The following LFNG variants were observed in gnomAD, a reference collection of about 807,000 sequenced individuals.
LFNG encodes LFNG O-fucosylpeptide 3-beta-N-acetylglucosaminyltransferase, also known as beta-1,3-N-acetylglucosaminyltransferase lunatic fringe.
Under a neutral mutation model 32.7 loss-of-function variants are expected in LFNG, and 15 were observed. The ratio of observed to expected loss-of-function variants is 0.46; its 90% CI spans 0.31 to 0.71. The LOEUF (loss-of-function observed/expected upper bound fraction) is 0.71. Ranked by LOEUF, LFNG falls within the 30% of genes least tolerant of loss-of-function variation. LFNG has a pLI of 0.06. For missense variants in LFNG, 520 were observed against 545.7 expected, an observed-to-expected ratio of 0.95 and a Z score of 0.47; for synonymous variants, 274 against 246.8, an observed-to-expected ratio of 1.11 and a Z score of -1.03.
chr7:2,528,761 GC>G, downstream of LFNG: 1 of 642,104 alleles, frequency 1.6e-6, no homozygotes. Flanking sequence ...CCACTGGGGA[GC>G]CCAGCCCCTG....
chr7:2,527,332 G>C lies in LFNG; in HGVS notation c.*120G>C. On this transcript the variant is annotated 3_prime_UTR_variant, in exon 8 of 8. Transcript: ENST00000222725. The surrounding 1 kb of genome is among the most constrained non-coding windows in gnomAD (Gnocchi z 4.4). ...CCTAGGGCCGTGCCTGTGCGTGTGC[G>C]TGTGCGTGTGTGTGTGTGTGTACTG... The C allele has an allele frequency of 4.6e-6, 7 of 1,526,356 alleles. No homozygotes were observed. Among genetic ancestry groups the C allele is most frequent in the Non-Finnish European group, 6.1e-6 (7 of 1,142,558 alleles). 94.6% of individuals were successfully genotyped at this position (1,526,356 alleles called of 1,614,324 possible). A position where few individuals can be genotyped will look rare whatever the true frequency, so the allele number is the denominator to read the frequency against.
At chr7:2,513,315 G>A (rs775863934), upstream of LFNG, 3 of 1,603,226 alleles carry the variant, frequency 1.9e-6, no homozygotes, top group Non-Finnish European at 1.7e-6. Context: ...TACGGAGGTG[G>A]CCTCTCTCAG....
chr7:2,525,133 GC>G, intron 2 of LFNG, 85 bp from the exon 3 acceptor site: 2 of 1,199,142 alleles, frequency 1.7e-6, no homozygotes. Context: ...CTTTTCTCGA[GC>G]CCCTGGGCCC....
rs766956135 is a variant in LFNG at position 2,526,909 on chromosome 7, C to A, written c.1061C>A (p.Ala354Asp). 6.2e-7 allele frequency: 1 copy of A among 1,612,486 alleles called. No individual in the cohort carries two copies. The highest frequency in any genetic ancestry group is 8.5e-7 in the Non-Finnish European group (1 of 1,179,862). ...VHVKGPFSVE[A>D]DPSRFRSIHC... ...GTGAAGGGGCCCTTCTCGGTGGAGG[C>A]CGACCCATCCAGGTAAGGAAACCCC... is the stretch of plus-strand genomic sequence containing the variant. Residue 354 changes from alanine to aspartate, a missense_variant, in exon 7 of 8, where the codon GCC (alanine) becomes GAC (aspartate). Around this residue, in one of 3 missense-constraint regions of LFNG, gnomAD observed 150 missense variants for 159.9 expected, o/e 0.94. Transcript: ENST00000222725. This position sits in a 1 kb window ranked among gnomAD's most constrained non-coding sequence, Gnocchi z 6.9.
chr7:2,524,614 G>C, intron 1 of LFNG, 81 bp from the exon 2 acceptor site: 3 of 1,354,000 alleles, frequency 2.2e-6, no homozygotes, highest in Non-Finnish European at 3.1e-6. Context: ...AGCAACTCCA[G>C]GGCGCCCCGT....
rs148460430 is a variant in LFNG at position 2,525,485 on chromosome 7, C to T, written c.653C>T (p.Pro218Leu). 125 of 1,612,346 alleles carry T rather than the reference C, an allele frequency of 7.8e-5. 1 individual carries two copies. In the Admixed American group the frequency reaches 1.4e-3, roughly 18 times the overall value. ...RALLRLLASY[P>L]HTRDVYVGKP... ...CTGCTGCGGCTGCTGGCCAGCTACCCGCACACGCGGGACGTCTACGTCGGC... is the reference window on the plus strand; with the variant it reads ...CTGCTGCGGCTGCTGGCCAGCTACCTGCACACGCGGGACGTCTACGTCGGC... Residue 218 changes from proline (P) to leucine (L), a missense_variant, in exon 4 of 8, where the codon CCG (proline) becomes CTG (leucine). Pro to Leu is a moderately conservative substitution (Grantham distance 98, BLOSUM62 -3). This residue lies in a region of LFNG where 360 missense variants were observed against 354.7 expected (regional missense o/e 1.01). Coordinates refer to ENST00000222725, the MANE Select transcript of LFNG (RefSeq NM_001040167.2).
chr7:2,514,479 C>T (rs780285889), upstream of LFNG, among the ~76,000 whole-genome samples: 1 of 152,336 alleles, frequency 6.6e-6, no homozygotes, highest in East Asian at 1.9e-4. Flanking sequence ...TCCATCTATC[C>T]ATTAGACCAT....
At chr7:2,523,982 G>A (rs1019350796) in intron 1 of LFNG, among the ~76,000 whole-genome samples, 3 of 152,150 alleles carry the variant, frequency 2.0e-5, no homozygotes, top group South Asian at 2.1e-4. Flanking sequence ...CCCTACGCGC[G>A]GGACCTCATG....
chr7:2,517,606 C>A (rs577791620), upstream of LFNG: 302 of 442,904 alleles, frequency 6.8e-4, no homozygotes, highest in Middle Eastern at 0.011. Flanking sequence ...GAAGCCCCAT[C>A]CCCTGGCCTG....
intron 1 of LFNG, among the ~76,000 whole-genome samples, chr7:2,521,523 G>C (rs1194965666): frequency 2.6e-5 from 4 of 152,208 alleles, no homozygotes; most frequent in African/African-American, 9.6e-5. Context: ...GGCCACTCAG[G>C]TTGCCTGGCG....
chr7:2,515,388 C>T (rs922854722), upstream of LFNG, among the ~76,000 whole-genome samples: 1 of 152,164 alleles, frequency 6.6e-6, no homozygotes. Flanking sequence ...GGGACACAGA[C>T]GTAAAGGAGC....
At position 2,526,983 on chromosome 7, in the gene LFNG, G is replaced by C; in HGVS notation, c.1073+62G>C. ...TGGCCTAGGGGCGTCAGGGGGCCTC[G>C]TGGAGCTGCAGCAGGGTCTCTCTAA... On this transcript the variant is annotated intron_variant, in intron 7 of 7. Coordinates refer to ENST00000222725, the MANE Select transcript of LFNG (RefSeq NM_001040167.2). This position sits in a 1 kb window ranked among gnomAD's most constrained non-coding sequence, Gnocchi z 6.9. 2.0e-6 allele frequency: 3 copies of C among 1,508,952 alleles called. No individual in the cohort carries two copies. The highest frequency in any genetic ancestry group is 1.8e-6 in the Non-Finnish European group (2 of 1,091,036). 93.5% of individuals were successfully genotyped at this position (1,508,952 alleles called of 1,614,324 possible). A position where few individuals can be genotyped will look rare whatever the true frequency, so the allele number is the denominator to read the frequency against.
At chr7:2,525,619 G>T in intron 4 of LFNG, 52 bp downstream of exon 4, 3 of 1,611,996 alleles carry the variant, frequency 1.9e-6, no homozygotes, top group Non-Finnish European at 1.7e-6. Flanking sequence ...CGCACACCCG[G>T]AGTGGGGGTG....
chr7:2,527,278 G>T lies in LFNG; in HGVS notation c.*66G>T. 1 of 1,591,364 alleles carries T rather than the reference G, an allele frequency of 6.3e-7. No individual in the cohort carries two copies. On this transcript the variant is annotated 3_prime_UTR_variant, in exon 8 of 8. Coordinates refer to ENST00000222725, the MANE Select transcript of LFNG (RefSeq NM_001040167.2). The surrounding 1 kb of genome is among the most constrained non-coding windows in gnomAD (Gnocchi z 4.4). Reference sequence around the variant, plus strand: ...CCAAAGGGCCCAGGGACCCTGTTGCGCTGCCCTGGCCTCGGCATTCGAGGC... The same window carrying T: ...CCAAAGGGCCCAGGGACCCTGTTGCTCTGCCCTGGCCTCGGCATTCGAGGC...
rs1779996505 is a variant in LFNG, at chr7:2,526,905, G to A, written c.1057G>A (p.Glu353Lys). The stretch of plus-strand genomic sequence containing the variant: ...CCACGTGAAGGGGCCCTTCTCGGTG[G>A]AGGCCGACCCATCCAGGTAAGGAAA... ...AVHVKGPFSV[E>K]ADPSRFRSIH... is the part of the protein sequence containing the mutation. Residue 353 changes from glutamate to lysine, a missense_variant, in exon 7 of 8, where the codon GAG (glutamate) becomes AAG (lysine). By Grantham distance (56) the Glu-to-Lys change is moderately conservative. Coordinates refer to ENST00000222725, the MANE Select transcript of LFNG (RefSeq NM_001040167.2). The surrounding 1 kb of genome is among the most constrained non-coding windows in gnomAD (Gnocchi z 6.9). 1 of 1,612,648 alleles carries A rather than the reference G, an allele frequency of 6.2e-7. No individual in the cohort carries two copies. Among genetic ancestry groups the A allele is most frequent in the Non-Finnish European group, 8.5e-7 (1 of 1,179,912 alleles).
At chr7:2,516,006 G>A (rs1238880529), upstream of LFNG, among the ~76,000 whole-genome samples, 3 of 152,216 alleles carry the variant, frequency 2.0e-5, no homozygotes, top group Admixed American at 1.3e-4. Flanking sequence ...CTCCTGGGTC[G>A]GGACACTCAC....
chr7:2,525,548 G>T lies in LFNG; in HGVS notation c.716G>T (p.Arg239Leu). The change falls in exon 4 of 8, where the codon CGG (arginine) becomes CTG (leucine). Residue 239 changes from arginine (R) to leucine (L), a missense_variant. Arg to Leu is a moderately radical substitution (Grantham distance 102). Coordinates refer to ENST00000222725, the MANE Select transcript of LFNG (RefSeq NM_001040167.2). ...GACAGGCCCATCCAGGCCATGGAGCGGGTCAGCGAGAACAAGGTGGTGAGT... is the reference window on the plus strand; with the variant it reads ...GACAGGCCCATCCAGGCCATGGAGCTGGTCAGCGAGAACAAGGTGGTGAGT... ...SLDRPIQAME[R>L]VSENKVRPVH... 1 of 1,612,366 alleles carries T rather than the reference G, an allele frequency of 6.2e-7. No individual in the cohort carries two copies. The highest frequency in any genetic ancestry group is 8.5e-7 in the Non-Finnish European group (1 of 1,179,784).
rs780270611 is a variant in LFNG at position 2,526,406 on chromosome 7, G to A, written c.984G>A (p.Glu328=). The A allele has an allele frequency of 2.5e-5, 40 of 1,607,210 alleles. No individual in the cohort carries two copies. Among genetic ancestry groups the A allele is most frequent in the Non-Finnish European group, 3.3e-5 (39 of 1,179,892 alleles). The change falls in exon 6 of 8, where the codon GAG becomes GAA. Residue 328 remains glutamate, a synonymous_variant. Transcript: ENST00000222725. The surrounding 1 kb of genome is among the most constrained non-coding windows in gnomAD (Gnocchi z 6.9). ...LQQVPTSELH[E]QVTLSYGMFE... ...AGGTGCCCACCTCGGAGCTCCACGA[G>A]CAGGTGCACCATCCTCCGGGCCCCG...
At chr7:2,516,122 C>T (rs545849227), upstream of LFNG, among the ~76,000 whole-genome samples, 150 of 152,334 alleles carry the variant, frequency 9.8e-4, no homozygotes, top group African/African-American at 3.4e-3. Context: ...GGCATTCCTG[C>T]GTCTGTGTCA....
Sources: allele counts gnomAD v4.1 joint callset (sites outside exome capture counted in the v4.1 genomes callset), GRCh38; gene constraint gnomAD v4.1.1; regional missense constraint gnomAD v4.1.1; non-coding constraint Gnocchi (gnomAD v3.1); transcripts MANE v1.5; gene names NCBI Gene and HGNC (gene_info 2026-07-23, HGNC 2026-07-21).